SLC38A4: variants seen among roughly 807,000 people sequenced by gnomAD.
SLC38A4 encodes sodium-coupled neutral amino acid transporter 4.
Under a neutral mutation model 63.1 loss-of-function variants are expected in SLC38A4, and 20 were observed. That is an observed-to-expected ratio of 0.32 (90% CI 0.22 to 0.46). The LOEUF (loss-of-function observed/expected upper bound fraction) is 0.46, where lower values mean the gene tolerates loss of function less well. SLC38A4 is among the 20% of genes least tolerant of loss of function. SLC38A4 has a pLI of 1.00. For missense variants in SLC38A4, 526 were observed against 663.6 expected (o/e 0.79, Z 2.28); for synonymous variants, 230 against 225.5 (o/e 1.02, Z -0.18).
chr12:46,807,613 C>G (rs1330108758), intron 1 of SLC38A4, among the ~76,000 whole-genome samples: 1 of 151,792 alleles, frequency 6.6e-6, no homozygotes, highest in Non-Finnish European at 1.5e-5. Flanking sequence ...CATTTTATTT[C>G]TCTTTTAATA....
intron 1 of SLC38A4, among the ~76,000 whole-genome samples, chr12:46,819,425 A>G (rs1049517090): frequency 6.6e-6 from 1 of 151,930 alleles, no homozygotes; most frequent in African/African-American, 2.4e-5. Flanking sequence ...CACATTATAT[A>G]TATGTATCAA....
chr12:46,810,398 G>A (rs1939316943), intron 1 of SLC38A4, among the ~76,000 whole-genome samples: 1 of 151,766 alleles, frequency 6.6e-6, no homozygotes, highest in African/African-American at 2.4e-5. Flanking sequence ...GTGGGTAGGG[G>A]GCTAGGGGAG....
chr12:46,798,132 A>G (rs1226657514), intron 2 of SLC38A4, among the ~76,000 whole-genome samples: 1 of 152,076 alleles, frequency 6.6e-6, no homozygotes, highest in East Asian at 1.9e-4. Context: ...CACCCCCACC[A>G]TTCATTCTTT....
intron 2 of SLC38A4, among the ~76,000 whole-genome samples, chr12:46,800,277 G>A (rs79975872): frequency 0.011 from 1,718 of 152,054 alleles, 31 homozygotes; most frequent in African/African-American, 0.04. Flanking sequence ...TATTCCAAAC[G>A]ACTGCGCTAC....
chr12:46,799,603 G>A (rs1208222720), intron 2 of SLC38A4, among the ~76,000 whole-genome samples: 1 of 152,036 alleles, frequency 6.6e-6, no homozygotes, highest in Non-Finnish European at 1.5e-5. Context: ...AAAAAAAAAT[G>A]TATTCTATTT....
intron 7 of SLC38A4, among the ~76,000 whole-genome samples, chr12:46,782,372 C>T (rs143464601): frequency 6.6e-6 from 1 of 151,796 alleles, no homozygotes; most frequent in Non-Finnish European, 1.5e-5. Context: ...GTAATGGAAA[C>T]CTCAAAAATC....
intron 1 of SLC38A4, among the ~76,000 whole-genome samples, chr12:46,831,386 T>C (rs1209677765): frequency 1.3e-5 from 2 of 152,190 alleles, no homozygotes; most frequent in Non-Finnish European, 2.9e-5. Flanking sequence ...AGCTCTAACC[T>C]GTAATCAATT....
At chr12:46,828,498 T>A (rs1232621333), upstream of SLC38A4, among the ~76,000 whole-genome samples, 1 of 152,140 alleles carries the variant, frequency 6.6e-6, no homozygotes, top group African/African-American at 2.4e-5. Flanking sequence ...ATTTTTGTAA[T>A]TTTTAGTAGA....
chr12:46,778,866 G>A (rs1938583702), intron 10 of SLC38A4, 90 bp from the exon 11 acceptor site: 3 of 1,201,870 alleles, frequency 2.5e-6, no homozygotes, highest in Non-Finnish European at 3.5e-6. Flanking sequence ...TATAGGGTGG[G>A]GGGTGAGGGA....
chr12:46,792,702 C>T (rs998983022), intron 3 of SLC38A4, among the ~76,000 whole-genome samples: 10 of 151,890 alleles, frequency 6.6e-5, no homozygotes, highest in African/African-American at 2.2e-4. Flanking sequence ...GAGCAATAGG[C>T]TAAAATAATT....
intron 14 of SLC38A4, among the ~76,000 whole-genome samples, chr12:46,772,046 G>C (rs954366137): frequency 6.6e-6 from 1 of 151,824 alleles, no homozygotes; most frequent in East Asian, 1.9e-4. Context: ...AGCCTGTTAG[G>C]GGGTGCTGTA....
chr12:46,800,584 T>C (rs1397409095), intron 2 of SLC38A4, among the ~76,000 whole-genome samples: 1 of 152,064 alleles, frequency 6.6e-6, no homozygotes, highest in African/African-American at 2.4e-5. Flanking sequence ...CAGAGTGTCC[T>C]GCTCTGACCC....
chr12:46,782,069 C>CTT (rs1938654165), intron 7 of SLC38A4, among the ~76,000 whole-genome samples: 1 of 151,900 alleles, frequency 6.6e-6, no homozygotes, highest in Non-Finnish European at 1.5e-5. Context: ...AGATTGTAGT[C>CTT]TTAACATATA....
intron 1 of SLC38A4, among the ~76,000 whole-genome samples, chr12:46,831,790 A>G (rs944879567): frequency 6.7e-6 from 1 of 150,070 alleles, no homozygotes. Flanking sequence ...CTCGGGTAAC[A>G]CCTTGCCAGC....
chr12:46,793,249 T>C, intron 2 of SLC38A4, 66 bp from the exon 3 acceptor site: 1 of 423,694 alleles, frequency 2.4e-6, no homozygotes, highest in Non-Finnish European at 4.2e-6. Context: ...ATATGAATCA[T>C]CTACATTTTG....
At chr12:46,773,649 T>C (rs921674390) in intron 14 of SLC38A4, among the ~76,000 whole-genome samples, 1 of 152,054 alleles carries the variant, frequency 6.6e-6, no homozygotes, top group Non-Finnish European at 1.5e-5. Context: ...TGAGGTGAAA[T>C]GTTCATCAGT....
chr12:46,785,760 T>A (rs977875045), intron 5 of SLC38A4, among the ~76,000 whole-genome samples: 247 of 146,426 alleles, frequency 1.7e-3, no homozygotes, highest in African/African-American at 5.9e-3. Flanking sequence ...TTTTTTTTTT[T>A]TTGCATTCAG....
At chr12:46,822,157 G>A (rs1035012839) in intron 1 of SLC38A4, among the ~76,000 whole-genome samples, 11 of 151,984 alleles carry the variant, frequency 7.2e-5, no homozygotes, top group East Asian at 5.8e-4. Flanking sequence ...CCCTTAATTC[G>A]CTTTTTTGAC....
chr12:46,800,588 C>T (rs760386419), intron 2 of SLC38A4, among the ~76,000 whole-genome samples: 54 of 152,052 alleles, frequency 3.6e-4, no homozygotes, highest in Non-Finnish European at 6.3e-4. Flanking sequence ...GTGTCCTGCT[C>T]TGACCCCACA....
Sources: allele counts gnomAD v4.1 joint callset (sites outside exome capture counted in the v4.1 genomes callset), GRCh38; gene constraint gnomAD v4.1.1; transcripts MANE v1.5; gene names NCBI Gene and HGNC (gene_info 2026-07-23, HGNC 2026-07-21).